The following F5 variants were observed in gnomAD, a reference collection of about 807,000 sequenced individuals.
F5 encodes coagulation factor V.
In F5, 138 loss-of-function variants were observed where a neutral mutation model predicts 216.4. The observed-to-expected ratio is 0.64, with a 90% CI of 0.56 to 0.73. The LOEUF is 0.73. F5 is among the 30% of genes least tolerant of loss of function. The pLI, the probability that F5 is intolerant of heterozygous loss-of-function variation, is 0.00. For synonymous variants in F5, 916 were observed against 930.7 expected (o/e 0.98, Z 0.29); for missense variants, 2,403 against 2,674.0 (o/e 0.90, Z 2.24).
intron 7 of F5, among the ~76,000 whole-genome samples, chr1:169,554,168 T>TA (rs1202424685): frequency 1.3e-5 from 2 of 151,928 alleles, no homozygotes; most frequent in Non-Finnish European, 2.9e-5. Context: ...ATGACCTCCC[T>TA]ACCCTCCCTG....
intron 21 of F5, 47 bp from the exon 22 acceptor site, chr1:169,520,711 G>C (rs1172567168): frequency 6.6e-7 from 1 of 1,526,030 alleles, no homozygotes; most frequent in African/African-American, 1.4e-5. Context: ...GATCTATAAA[G>C]TGACTTTATA....
intron 20 of F5, 44 bp downstream of exon 20, chr1:169,523,757 A>C: frequency 6.9e-7 from 1 of 1,454,540 alleles, no homozygotes; most frequent in South Asian, 1.1e-5. Context: ...TTTCATTTTT[A>C]TTATTACGAT....
At chr1:169,537,407 A>T (rs763320067) in intron 13 of F5, among the ~76,000 whole-genome samples, 18 of 152,140 alleles carry the variant, frequency 1.2e-4, no homozygotes, top group Non-Finnish European at 1.9e-4. Flanking sequence ...ATTATTCTTA[A>T]GCTTCTTGAC....
At chr1:169,520,395 T>G in intron 22 of F5, 125 bp downstream of exon 22, 1 of 1,195,886 alleles carries the variant, frequency 8.4e-7, no homozygotes. Flanking sequence ...AACCTCTGTT[T>G]CACAAAGGTT....
chr1:169,518,606 C>T, intron 22 of F5, 43 bp from the exon 23 acceptor site: 7 of 1,605,746 alleles, frequency 4.4e-6, no homozygotes, highest in Non-Finnish European at 5.1e-6. Flanking sequence ...CACCAATATT[C>T]CCTGCATGGC....
At position 169,542,446 on chromosome 1, in the gene F5, A is replaced by T. The variant is rs761831866; in HGVS notation, c.2644T>A (p.Trp882Arg). The T allele has an allele frequency of 2.4e-5, 38 of 1,614,140 alleles. No homozygotes were observed. Among genetic ancestry groups the T allele is most frequent in the Non-Finnish European group, 3.2e-5 (38 of 1,180,002 alleles). The change falls in exon 13 of 25, where the codon TGG becomes AGG. Residue 882 changes from tryptophan (W) to arginine (R), a missense_variant. Around this residue, in one of 4 missense-constraint regions of F5, gnomAD observed 1,425 missense variants for 1,554.8 expected, o/e 0.92. Coordinates refer to ENST00000367797, the MANE Select transcript of F5 (RefSeq NM_000130.5). ...RDQAAKHRFS[W>R]MKLLAHKVGR... ...ACTTTATGTGCTAGTAATTTCATCC[A>T]GGAGAACCTGTGCTTTGCTGCTTGA...
chr1:169,538,583 AAAC>A (rs1366367248), intron 13 of F5, among the ~76,000 whole-genome samples: 5 of 152,326 alleles, frequency 3.3e-5, no homozygotes, highest in East Asian at 1.9e-4. Context: ...AATGTGTATA[AAAC>A]AACAACAACA....
At chr1:169,574,335 TCTGGAGGTGAAA>T (rs1482909510) in intron 2 of F5, among the ~76,000 whole-genome samples, 1 of 152,174 alleles carries the variant, frequency 6.6e-6, no homozygotes, top group East Asian at 1.9e-4. Context: ...GAATCTGAGT[TCTGGAGGTGAAA>T]CTTGGGAATC....
intron 15 of F5, among the ~76,000 whole-genome samples, 179 bp downstream of exon 15, chr1:169,530,607 G>A (rs1659571445): frequency 6.6e-6 from 1 of 152,172 alleles, no homozygotes. Context: ...TCTGTCATCT[G>A]AAGAGCTGCA....
rs368452320 is a variant in F5, at chr1:169,541,181, G to A, written c.3909C>T (p.Leu1303=). The A allele has an allele frequency of 5.0e-6, 8 of 1,608,358 alleles. No homozygotes were observed. In the African/African-American group the frequency reaches 1.1e-4, roughly 22 times the overall value. Residue 1303 remains leucine, a synonymous_variant, in exon 13 of 25, where the codon CTC becomes CTT. Coordinates refer to ENST00000367797, the MANE Select transcript of F5 (RefSeq NM_000130.5). ...NLSPELSHMT[L]SPELSQTNLS... ...GGTTTGTCTGACTGAGTTCTGGAGA[G>A]AGAGTCATATGGCTGAGTTCTGGAG...
At chr1:169,553,732 A>G (rs1311469448) in intron 7 of F5, among the ~76,000 whole-genome samples, 1 of 152,212 alleles carries the variant, frequency 6.6e-6, no homozygotes, top group African/African-American at 2.4e-5. Flanking sequence ...AAAAAAAGAA[A>G]GAAAAACGCA....
At chr1:169,526,218 T>A (rs572089921) in intron 17 of F5, among the ~76,000 whole-genome samples, 5 of 152,132 alleles carry the variant, frequency 3.3e-5, no homozygotes, top group East Asian at 1.9e-4. Context: ...CTAAAAAAAA[T>A]TTTAAATCAC....
In F5 at chr1:169,541,544, C is replaced by A; in HGVS notation, c.3546G>T (p.Trp1182Cys). 1 of 1,614,016 alleles carries A rather than the reference C, an allele frequency of 6.2e-7. No homozygotes were observed. Among genetic ancestry groups the A allele is most frequent in the Non-Finnish European group, 8.5e-7 (1 of 1,179,998 alleles). The change falls in exon 13 of 25, where the codon TGG (tryptophan) becomes TGT (cysteine). Residue 1182 changes from tryptophan (W) to cysteine (C), a missense_variant. Around this residue, in one of 4 missense-constraint regions of F5, gnomAD observed 1,425 missense variants for 1,554.8 expected, o/e 0.92. Transcript: ENST00000367797. ...TGAGGTCTGGAGAGATGACTGTCTG[C>A]CAGACTTCATGTTCTGAGGAAGGGG... ...QMSPSSEHEV[W>C]QTVISPDLSQ... is the part of the protein sequence containing the mutation.
chr1:169,527,668 T>C (rs1659491367), intron 17 of F5, among the ~76,000 whole-genome samples: 1 of 152,186 alleles, frequency 6.6e-6, no homozygotes, highest in African/African-American at 2.4e-5. Context: ...AGAAACTGCA[T>C]GTTATGTTGC....
chr1:169,547,198 C>A (rs1557918947), intron 10 of F5, among the ~76,000 whole-genome samples: 1 of 151,776 alleles, frequency 6.6e-6, no homozygotes, highest in African/African-American at 2.4e-5. Context: ...CAAAAAACAA[C>A]AACAACACAC....
At chr1:169,550,923 G>A (rs1325079495) in intron 8 of F5, among the ~76,000 whole-genome samples, 184 bp from the exon 9 acceptor site, 2 of 152,172 alleles carry the variant, frequency 1.3e-5, no homozygotes, top group Non-Finnish European at 2.9e-5. Context: ...GAGCATTGGA[G>A]AGAGTGTTTC....
intron 7 of F5, among the ~76,000 whole-genome samples, chr1:169,553,015 A>G (rs1481588246): frequency 1.3e-5 from 2 of 152,208 alleles, no homozygotes; most frequent in Non-Finnish European, 2.9e-5. Context: ...CAGACATTTG[A>G]TATCTCTGGG....
In F5 at chr1:169,525,941, C is replaced by T. The variant is rs772302715; in HGVS notation, c.5676G>A (p.Gln1892=). The change falls in exon 18 of 25, where the codon CAG becomes CAA. Residue 1892 remains glutamine (Q), a synonymous_variant. Transcript: ENST00000367797. ...WLLNTEVGEN[Q]RAGMQTPFLI... is the part of the protein sequence containing the mutation. ...GAAATGGCGTTTGCATCCCTGCTCT[C>T]TGGTTTTCTCCAACCTCTGTGTTTA... is the stretch of plus-strand genomic sequence containing the variant. 1 of 1,613,376 alleles carries T rather than the reference C, an allele frequency of 6.2e-7. No homozygotes were observed.
At chr1:169,571,870 T>C (rs1336102078) in intron 3 of F5, among the ~76,000 whole-genome samples, 1 of 152,142 alleles carries the variant, frequency 6.6e-6, no homozygotes, top group Non-Finnish European at 1.5e-5. Context: ...CAAACAAACT[T>C]ACTATCTGGC....
Sources: gnomAD v4.1 joint callset for allele counts (sites outside exome capture counted in the v4.1 genomes callset) on GRCh38, gnomAD v4.1.1 for gene constraint, gnomAD v4.1.1 regional missense constraint, MANE v1.5 for transcripts, NCBI Gene and HGNC (gene_info 2026-07-23, HGNC 2026-07-21) for gene names.